SLIT3: variants seen among roughly 807,000 people sequenced by gnomAD.
The protein encoded by SLIT3 is slit guidance ligand 3, also known as slit homolog 3 protein.
A neutral mutation model predicts 184.0 loss-of-function variants in SLIT3; 68 were observed. The ratio of observed to expected loss-of-function variants is 0.37; its 90% CI spans 0.30 to 0.45. The LOEUF is 0.45. Among genes scored for constraint, SLIT3 ranks in the 20% least tolerant of loss-of-function variants. The pLI, the probability that SLIT3 is intolerant of heterozygous loss-of-function variation, is 1.00. For missense variants in SLIT3, 1,707 were observed against 2,026.0 expected, an observed-to-expected ratio of 0.84 and a Z score of 3.02; for synonymous variants, 831 against 828.6, an observed-to-expected ratio of 1.00 and a Z score of -0.05.
At position 168,692,661 on chromosome 5, in the gene SLIT3, T is replaced by C. The variant is rs1561877555; in HGVS notation, c.3122A>G (p.Glu1041Gly). The change falls in exon 29 of 36, where the codon GAG (glutamate) becomes GGG (glycine). Residue 1041 changes from glutamate to glycine, a missense_variant. Glu to Gly is a moderately conservative substitution (Grantham distance 98). Coordinates refer to ENST00000519560, the MANE Select transcript of SLIT3 (RefSeq NM_003062.4). ...CDEVIDHCVP[E>G]LNLCQHEAKC... Reference sequence around the variant, plus strand: ...GGCCTCATGCTGACAGAGGTTCAGCTCAGGCACACAGTGGTCAATCACCTC... The same window carrying C: ...GGCCTCATGCTGACAGAGGTTCAGCCCAGGCACACAGTGGTCAATCACCTC... 6.2e-7 allele frequency: 1 copy of C among 1,614,084 alleles called. No homozygotes were observed. The highest frequency in any genetic ancestry group is 2.2e-5 in the East Asian group (1 of 44,884).
intron 3 of SLIT3, among the ~76,000 whole-genome samples, chr5:169,211,524 C>T (rs985345265): frequency 1.3e-5 from 2 of 152,150 alleles, no homozygotes; most frequent in Admixed American, 6.5e-5. Context: ...CACTCTCCTA[C>T]TCTCTCACTC....
At chr5:169,244,411 G>A (rs1044023649) in intron 3 of SLIT3, among the ~76,000 whole-genome samples, 2 of 152,146 alleles carry the variant, frequency 1.3e-5, no homozygotes, top group African/African-American at 4.8e-5. Flanking sequence ...TTACACTTGG[G>A]TAAAAACCAG....
intron 32 of SLIT3, among the ~76,000 whole-genome samples, chr5:168,682,265 C>T (rs1172069449): frequency 1.3e-5 from 2 of 152,238 alleles, no homozygotes; most frequent in African/African-American, 4.8e-5. Flanking sequence ...TCTGTCTTTG[C>T]TGACCTCCCA....
In SLIT3 at chr5:168,970,475, A is replaced by G. The variant is rs188153208; in HGVS notation, c.414-87139T>C. ...GCGCCACTGCACTCCAGCCTGGGCGACAAAAGTGAAACTCTGTCTCAAATA... is the reference window on the plus strand; with the variant it reads ...GCGCCACTGCACTCCAGCCTGGGCGGCAAAAGTGAAACTCTGTCTCAAATA... On this transcript the variant is annotated intron_variant, in intron 4 of 35. Coordinates refer to ENST00000519560, the MANE Select transcript of SLIT3 (RefSeq NM_003062.4). Among the ~76,000 whole-genome samples, 8 of 151,430 alleles carry G rather than the reference A, an allele frequency of 5.3e-5. No homozygotes were observed. The East Asian group carries it at 1.6e-3, about 29-fold the overall frequency.
chr5:169,124,535 G>T (rs1761005329), intron 4 of SLIT3, among the ~76,000 whole-genome samples: 1 of 152,128 alleles, frequency 6.6e-6, no homozygotes, highest in South Asian at 2.1e-4. Context: ...TAAACTAGGT[G>T]CTGGTGCAGT....
chr5:168,729,556 T>A (rs1763234327), intron 20 of SLIT3, among the ~76,000 whole-genome samples: 1 of 151,404 alleles, frequency 6.6e-6, no homozygotes, highest in African/African-American at 2.4e-5. Context: ...ATAAATTTTA[T>A]AAATTAAGGA....
At chr5:168,724,749 G>A (rs935393309) in intron 20 of SLIT3, among the ~76,000 whole-genome samples, 13 of 151,900 alleles carry the variant, frequency 8.6e-5, no homozygotes, top group South Asian at 6.2e-4. Flanking sequence ...GGATCCCCCC[G>A]TGGCTGTTTA....
chr5:169,133,555 T>C (rs17555801), intron 4 of SLIT3, among the ~76,000 whole-genome samples: 19,724 of 152,278 alleles, frequency 0.13, 1,418 homozygotes, highest in South Asian at 0.27. Context: ...GGGATCACTT[T>C]CCTTCTCGAG....
At chr5:169,290,585 A>G (rs1473297059) in intron 1 of SLIT3, among the ~76,000 whole-genome samples, 1 of 150,392 alleles carries the variant, frequency 6.6e-6, no homozygotes, top group East Asian at 2.0e-4. Flanking sequence ...GCACTAGGGC[A>G]CATGCTAGGA....
intron 4 of SLIT3, among the ~76,000 whole-genome samples, chr5:169,031,946 T>C (rs1757039783): frequency 1.3e-5 from 2 of 152,200 alleles, no homozygotes; most frequent in South Asian, 4.1e-4. Flanking sequence ...GCAGACAGCA[T>C]GGACAAGACT....
At chr5:168,668,914 G>A (rs936558145) in intron 35 of SLIT3, among the ~76,000 whole-genome samples, 1 of 152,204 alleles carries the variant, frequency 6.6e-6, no homozygotes, top group East Asian at 1.9e-4. Context: ...GATTACAGGC[G>A]ACCGCCATGA....
At chr5:169,066,248 T>A (rs1205387479) in intron 4 of SLIT3, among the ~76,000 whole-genome samples, 1 of 152,204 alleles carries the variant, frequency 6.6e-6, no homozygotes, top group African/African-American at 2.4e-5. Context: ...CCAGGGTCAA[T>A]CCTATCTTCC....
At chr5:169,006,605 T>TCTCTCTCTCTCTCACA (rs899753279) in intron 4 of SLIT3, among the ~76,000 whole-genome samples, 1 of 145,794 alleles carries the variant, frequency 6.9e-6, no homozygotes, top group African/African-American at 2.6e-5. Flanking sequence ...TCTCTCTCTC[T>TCTCTCTCTCTCTCACA]CACACACACA....
intron 6 of SLIT3, among the ~76,000 whole-genome samples, chr5:168,843,185 G>A (rs1266682027): frequency 6.6e-6 from 1 of 152,102 alleles, no homozygotes; most frequent in African/African-American, 2.4e-5. Flanking sequence ...TGCAGCATCA[G>A]CATCCCCTTT....
chr5:168,749,837 G>A (rs544261093), intron 18 of SLIT3, among the ~76,000 whole-genome samples: 1 of 152,238 alleles, frequency 6.6e-6, no homozygotes, highest in East Asian at 1.9e-4. Flanking sequence ...GTCTCGCCAT[G>A]CCCTCCCTTG....
chr5:168,966,751 G>A (rs1008402111), intron 4 of SLIT3, among the ~76,000 whole-genome samples: 2 of 152,302 alleles, frequency 1.3e-5, no homozygotes, highest in Non-Finnish European at 2.9e-5. Context: ...TTAGGTCATG[G>A]TGTTCCTTCC....
intron 4 of SLIT3, among the ~76,000 whole-genome samples, chr5:169,129,726 A>C (rs1315268928): frequency 6.6e-6 from 1 of 152,236 alleles, no homozygotes; most frequent in Admixed American, 6.5e-5. Context: ...TAAATCCTGG[A>C]AAAGAGAAGA....
At chr5:168,709,275 T>C (rs1395524500) in intron 25 of SLIT3, among the ~76,000 whole-genome samples, 2 of 152,078 alleles carry the variant, frequency 1.3e-5, no homozygotes, top group African/African-American at 2.4e-5. Context: ...TTTGTATTTT[T>C]AGTAGAGATG....
chr5:168,672,211 T>A (rs540808352), intron 33 of SLIT3, among the ~76,000 whole-genome samples: 1 of 152,206 alleles, frequency 6.6e-6, no homozygotes, highest in East Asian at 1.9e-4. Flanking sequence ...GGCACGGTCC[T>A]CCTCCAGGGA....
Sources: allele counts gnomAD v4.1 joint callset (sites outside exome capture counted in the v4.1 genomes callset), GRCh38; gene constraint gnomAD v4.1.1; transcripts MANE v1.5; gene names NCBI Gene and HGNC (gene_info 2026-07-23, HGNC 2026-07-21).